The following TRMT9B variants were observed in gnomAD, a reference collection of about 807,000 sequenced individuals.
TRMT9B encodes tRNA methyltransferase 9B (putative).
In TRMT9B, 16 loss-of-function variants were observed where a neutral mutation model predicts 11.5. The observed-to-expected ratio is 1.39, with a 90% CI of 0.94 to 2.11. The LOEUF is 2.11. Ranked by LOEUF, TRMT9B falls within the 30% of genes most tolerant of loss-of-function variation. The pLI is 0.00. For missense variants in TRMT9B, 941 were observed against 553.8 expected, an observed-to-expected ratio of 1.70 and a Z score of -7.02; for synonymous variants, 274 against 192.4, an observed-to-expected ratio of 1.42 and a Z score of -3.51.
rs542969337 is a variant in TRMT9B at position 13,024,190 on chromosome 8, C to T, written c.*2146C>T. 1.3e-5 allele frequency: 2 copies of T among 153,074 alleles called. No individual in the cohort carries two copies. Among genetic ancestry groups the T allele is most frequent in the Admixed American group, 6.6e-5 (1 of 15,258 alleles). 9.5% of individuals were successfully genotyped at this position (153,074 alleles called of 1,614,324 possible). A position where few individuals can be genotyped will look rare whatever the true frequency, so the allele number is the denominator to read the frequency against. On this transcript the variant is annotated 3_prime_UTR_variant, in exon 5 of 5. Transcript: ENST00000524591. ...TCCCAAGTAGCTGGGACTACTGGCA[C>T]CCACCACGACGCCCGGCTGTTTTTT...
At chr8:13,010,986 T>A in intron 3 of TRMT9B, 1 of 900,922 alleles carries the variant, frequency 1.1e-6, no homozygotes, top group Non-Finnish European at 1.3e-6. Flanking sequence ...GGAATTGTTT[T>A]CTTTTTCTTT....
intron 3 of TRMT9B, chr8:13,011,814 C>T: frequency 4.2e-6 from 4 of 960,202 alleles, no homozygotes; most frequent in Non-Finnish European, 5.0e-6. Context: ...TTAAATGTAG[C>T]AATGAATAGA....
In TRMT9B at chr8:13,028,106, G is replaced by C. The variant is rs566134411; in HGVS notation, c.*6062G>C. 1 of 167,040 alleles carries C rather than the reference G, an allele frequency of 6.0e-6. No individual in the cohort carries two copies. Among genetic ancestry groups the C allele is most frequent in the Non-Finnish European group, 1.5e-5 (1 of 68,112 alleles). 10.3% of individuals were successfully genotyped at this position (167,040 alleles called of 1,614,324 possible). On this transcript the variant is annotated 3_prime_UTR_variant, in exon 5 of 5. Transcript: ENST00000524591. The stretch of plus-strand genomic sequence containing the variant: ...ATTGTTCTATTTTTAATTCCCCAGG[G>C]ATCCTACGGTCTATGACACATTAAC...
At chr8:12,956,355 C>T (rs1253300652) in intron 1 of TRMT9B, among the ~76,000 whole-genome samples, 2 of 152,132 alleles carry the variant, frequency 1.3e-5, no homozygotes, top group Non-Finnish European at 1.5e-5. Context: ...TTTAAAGGAG[C>T]TAGTTGCTAA....
intron 3 of TRMT9B, chr8:13,011,858 T>G (rs1811667965): frequency 1.5e-5 from 15 of 977,508 alleles, no homozygotes; most frequent in Non-Finnish European, 1.8e-5. Context: ...AATTCTTTTC[T>G]AATTCAAGTT....
At chr8:12,981,498 G>A (rs903970244) in intron 1 of TRMT9B, among the ~76,000 whole-genome samples, 6 of 152,192 alleles carry the variant, frequency 3.9e-5, no homozygotes, top group African/African-American at 1.4e-4. Context: ...ACGGCACGGA[G>A]CATTGGAGAT....
chr8:12,992,092 G>C (rs908117207), intron 2 of TRMT9B, among the ~76,000 whole-genome samples: 1 of 152,200 alleles, frequency 6.6e-6, no homozygotes, highest in South Asian at 2.1e-4. Context: ...ACAGAGTAAA[G>C]TATTGTTGTT....
At position 13,023,086 on chromosome 8, in the gene TRMT9B, T is replaced by A. The variant is rs1425726659; in HGVS notation, c.*1042T>A. The A allele has an allele frequency of 6.0e-6, 1 of 167,098 alleles. No homozygotes were observed. The highest frequency in any genetic ancestry group is 2.4e-5 in the African/African-American group (1 of 41,448). 10.4% of individuals were successfully genotyped at this position (167,098 alleles called of 1,614,324 possible). On this transcript the variant is annotated 3_prime_UTR_variant, in exon 5 of 5. Transcript: ENST00000524591. ...AAGTACCCAAGTGGTATTCTTCCAA[T>A]CTTATTAGAAGCATGAATATTCAAG... is the stretch of plus-strand genomic sequence containing the variant.
chr8:13,007,797 C>T (rs1426330166), intron 3 of TRMT9B: 1 of 152,114 alleles, frequency 6.6e-6, no homozygotes. Context: ...CAGAGAGTTA[C>T]TTTCTCACAC....
At chr8:12,964,669 G>A (rs1422805469) in intron 1 of TRMT9B, among the ~76,000 whole-genome samples, 1 of 152,114 alleles carries the variant, frequency 6.6e-6, no homozygotes, top group Non-Finnish European at 1.5e-5. Context: ...CAAACTCCCG[G>A]GCTCAAGCGA....
intron 4 of TRMT9B, among the ~76,000 whole-genome samples, chr8:13,019,384 C>G (rs755707620): frequency 6.6e-6 from 1 of 152,216 alleles, no homozygotes; most frequent in African/African-American, 2.4e-5. Context: ...CTCGACCTCC[C>G]TGGCTCAAAT....
intron 2 of TRMT9B, among the ~76,000 whole-genome samples, chr8:12,996,116 A>C (rs12375378): frequency 0.049 from 7,389 of 152,262 alleles, 223 homozygotes; most frequent in South Asian, 0.094. Flanking sequence ...CCTTTACACA[A>C]TTTATGTTCC....
chr8:13,012,401 A>T lies in TRMT9B; in HGVS notation c.155-283A>T, dbSNP rs371196956. 14 of 498,302 alleles carry T rather than the reference A, an allele frequency of 2.8e-5. No individual in the cohort carries two copies. The East Asian group carries it at 9.8e-4, about 35-fold the overall frequency. 30.9% of individuals were successfully genotyped at this position (498,302 alleles called of 1,614,324 possible). ...AGACCAACCTGACCAACATGGAGAA[A>T]CCCGTCTCTACTAAAAATACAAAAT... On this transcript the variant is annotated intron_variant, in intron 3 of 4. Transcript: ENST00000524591.
chr8:13,016,351 T>C (rs1337950284), intron 4 of TRMT9B, among the ~76,000 whole-genome samples: 1 of 146,496 alleles, frequency 6.8e-6, no homozygotes, highest in Non-Finnish European at 1.5e-5. Flanking sequence ...TTATATGACA[T>C]ATATAAGGAC....
At chr8:12,971,049 T>A (rs977513203) in intron 1 of TRMT9B, among the ~76,000 whole-genome samples, 2 of 152,208 alleles carry the variant, frequency 1.3e-5, no homozygotes, top group African/African-American at 4.8e-5. Context: ...TTTTGACACA[T>A]GTATACAATA....
chr8:12,984,158 C>A (rs1045460935), intron 1 of TRMT9B, among the ~76,000 whole-genome samples: 2 of 152,148 alleles, frequency 1.3e-5, no homozygotes, highest in African/African-American at 4.8e-5. Context: ...TATAAAATTA[C>A]CCTCAGGCTA....
At position 13,021,810 on chromosome 8, in the gene TRMT9B, A is replaced by T. The variant is rs1223023477; in HGVS notation, c.1131A>T (p.Arg377Ser). 8 of 1,613,564 alleles carry T rather than the reference A, an allele frequency of 5.0e-6. No homozygotes were observed. In the African/African-American group the frequency reaches 1.1e-4, roughly 22 times the overall value. The change falls in exon 5 of 5, where the codon AGA becomes AGT. Residue 377 changes from arginine to serine, a missense_variant. Transcript: ENST00000524591. ...DDNPSASKIL[R>S]RISAVDSTDF... is the part of the protein sequence containing the mutation. ...ATCCTTCTGCTAGTAAAATATTGAG[A>T]AGGATTTCTGCAGTTGATTCCACAG...
chr8:12,950,530 C>A (rs1035003756), intron 1 of TRMT9B, among the ~76,000 whole-genome samples: 3 of 118,046 alleles, frequency 2.5e-5, no homozygotes, highest in Admixed American at 2.4e-4. Flanking sequence ...AAACCAGACT[C>A]GTGGTTTTTT....
chr8:13,018,128 G>A (rs527512086), intron 4 of TRMT9B, among the ~76,000 whole-genome samples: 10 of 148,670 alleles, frequency 6.7e-5, no homozygotes, highest in East Asian at 3.9e-4. Context: ...TTGGCCAGGC[G>A]TGGTGGTTCA....
Sources: allele counts gnomAD v4.1 joint callset (sites outside exome capture counted in the v4.1 genomes callset), GRCh38; gene constraint gnomAD v4.1.1; transcripts MANE v1.5; gene names NCBI Gene and HGNC (gene_info 2026-07-23, HGNC 2026-07-21).